Variants in C5 observed in about 807,000 individuals in gnomAD.
The protein encoded by C5 is complement C5.
In C5, 140 loss-of-function variants were observed where a neutral mutation model predicts 218.8. The ratio of observed to expected loss-of-function variants is 0.64; its 90% CI spans 0.56 to 0.74. The LOEUF is 0.74. Among genes scored for constraint, C5 ranks in the 30% least tolerant of loss-of-function variants. C5 has a pLI of 0.00. For synonymous variants in C5, 614 were observed against 682.3 expected, an observed-to-expected ratio of 0.90 and a Z score of 1.56; for missense variants, 1,700 against 1,969.6, an observed-to-expected ratio of 0.86 and a Z score of 2.59.
chr9:120,965,352 T>C (rs551027006), intron 33 of C5, among the ~76,000 whole-genome samples: 2 of 151,970 alleles, frequency 1.3e-5, no homozygotes, highest in African/African-American at 4.8e-5. Context: ...AAACCACTTC[T>C]CTACTAAAAA....
intron 20 of C5, among the ~76,000 whole-genome samples, chr9:121,003,477 AAG>A (rs2047189348): frequency 6.6e-6 from 1 of 152,210 alleles, no homozygotes; most frequent in African/African-American, 2.4e-5. Context: ...TTGTGAAAAA[AAG>A]AGTGACATTT....
chr9:121,016,850 G>C (rs534964843), intron 14 of C5, among the ~76,000 whole-genome samples: 1 of 152,082 alleles, frequency 6.6e-6, no homozygotes, highest in Admixed American at 6.6e-5. Flanking sequence ...TTCGTTCTCC[G>C]AGTATTTTTT....
chr9:120,958,567 CT>C (rs41313613), intron 38 of C5, among the ~76,000 whole-genome samples: 234 of 143,218 alleles, frequency 1.6e-3, no homozygotes, highest in Middle Eastern at 3.5e-3. Context: ...AGCTTTTTAG[CT>C]TTTTTTTTTT....
intron 25 of C5, among the ~76,000 whole-genome samples, chr9:120,986,238 T>C (rs1255075205): frequency 6.6e-6 from 1 of 151,924 alleles, no homozygotes; most frequent in Non-Finnish European, 1.5e-5. Context: ...ATATATACTA[T>C]ATAAAATATT....
Position 120,957,266 on chromosome 9 carries a change from T to A in C5, c.4762+19A>T, listed in dbSNP as rs1213709001. 32 of 1,549,722 alleles carry A rather than the reference T, an allele frequency of 2.1e-5. No homozygotes were observed. Among genetic ancestry groups the A allele is most frequent in the Non-Finnish European group, 2.6e-5 (29 of 1,122,166 alleles). Reference sequence around the variant, plus strand: ...AATAGTTGCTGAATGAAGGAACGAATGAACGAATGAATTCTCACCAGTTTT... The same window carrying A: ...AATAGTTGCTGAATGAAGGAACGAAAGAACGAATGAATTCTCACCAGTTTT... On this transcript the variant is annotated intron_variant, in intron 39 of 40. Coordinates refer to ENST00000223642, the MANE Select transcript of C5 (RefSeq NM_001735.3).
At chr9:121,038,976 C>G (rs2047553934) in intron 3 of C5, among the ~76,000 whole-genome samples, 1 of 152,140 alleles carries the variant, frequency 6.6e-6, no homozygotes, top group African/African-American at 2.4e-5. Flanking sequence ...GGAAGCTGCC[C>G]AAGTCAGAAA....
chr9:121,030,071 TA>T (rs1324943579), intron 7 of C5, among the ~76,000 whole-genome samples: 2 of 152,078 alleles, frequency 1.3e-5, no homozygotes, highest in Admixed American at 6.5e-5. Context: ...ATTAAATCAT[TA>T]AAAAAAGATA....
chr9:120,991,764 A>G lies in C5; in HGVS notation c.2852-484T>C, dbSNP rs148863282. ...AACAACAGAGTTTTAGCATACTGGTATCAGATAATTTTTCTACTGTGATCA... is the reference window on the plus strand; with the variant it reads ...AACAACAGAGTTTTAGCATACTGGTGTCAGATAATTTTTCTACTGTGATCA... On this transcript the variant is annotated intron_variant, in intron 22 of 40. Coordinates refer to ENST00000223642, the MANE Select transcript of C5 (RefSeq NM_001735.3). 3.1e-3 allele frequency among the ~76,000 whole-genome samples: 475 copies of G among 152,308 alleles called. 2 individuals carry two copies. Among genetic ancestry groups the G allele is most frequent in the Admixed American group, 4.8e-3 (74 of 15,294 alleles).
At chr9:121,074,381 G>A in the C5 span, among the ~76,000 whole-genome samples, 2 of 152,326 alleles carry the variant, frequency 1.3e-5, no homozygotes, top group Admixed American at 6.5e-5. Flanking sequence ...GTAGCAATCA[G>A]AGGAACATCC....
At chr9:121,055,324 T>C in the C5 span, among the ~76,000 whole-genome samples, 4 of 152,232 alleles carry the variant, frequency 2.6e-5, no homozygotes, top group African/African-American at 9.6e-5. Flanking sequence ...TTTCCTCTGT[T>C]AGCAAGTCCT....
chr9:120,986,905 C>T (rs1219910598), intron 25 of C5, among the ~76,000 whole-genome samples: 1 of 152,260 alleles, frequency 6.6e-6, no homozygotes, highest in South Asian at 2.1e-4. Context: ...CTGTATCTGG[C>T]CCTGTGTGTC....
intron 3 of C5, among the ~76,000 whole-genome samples, chr9:121,040,728 T>A (rs1687034448): frequency 6.6e-6 from 1 of 152,146 alleles, no homozygotes; most frequent in South Asian, 2.1e-4. Flanking sequence ...ATTTTACAAG[T>A]GAGGAAAGTG....
chr9:121,048,510 C>T (rs1255578903), intron 1 of C5, among the ~76,000 whole-genome samples: 1 of 152,156 alleles, frequency 6.6e-6, no homozygotes, highest in African/African-American at 2.4e-5. Flanking sequence ...TGAAACCATC[C>T]CCACCCCAAT....
At chr9:120,979,973 G>A in intron 28 of C5, 110 bp downstream of exon 28, 1 of 884,914 alleles carries the variant, frequency 1.1e-6, no homozygotes. Flanking sequence ...GTTCCTTGAG[G>A]ACAGGAATTG....
intron 23 of C5, 37 bp from the exon 24 acceptor site, chr9:120,989,817 T>C: frequency 1.3e-6 from 2 of 1,498,876 alleles, no homozygotes; most frequent in Non-Finnish European, 1.9e-6. Context: ...ACATTGCTTT[T>C]TATTAACTTC....
At chr9:121,069,308 T>C in the C5 span, among the ~76,000 whole-genome samples, 2 of 151,824 alleles carry the variant, frequency 1.3e-5, no homozygotes, top group African/African-American at 4.8e-5. Context: ...ACAACAAAAT[T>C]GTATAAAAAT....
rs778780304 is a variant in C5, at chr9:121,013,924, T to C, written c.2206A>G (p.Ser736Gly). The C allele has an allele frequency of 6.8e-6, 11 of 1,614,082 alleles. No individual in the cohort carries two copies. In the Admixed American group the frequency reaches 1.3e-4, roughly 20 times the overall value. ...KAFTECCVVA[S>G]QLRANISHKD... is the part of the protein sequence containing the mutation. ...TGAGAGATATTAGCACGGAGCTGGC[T>C]TGCGACGACACAACATTCAGTGAAA... is the stretch of plus-strand genomic sequence containing the variant. The change falls in exon 17 of 41, where the codon AGC becomes GGC. Residue 736 changes from serine to glycine, a missense_variant. By Grantham distance (56) the Ser-to-Gly change is moderately conservative (BLOSUM62 0). Transcript: ENST00000223642.
intron 31 of C5, among the ~76,000 whole-genome samples, chr9:120,971,321 C>T (rs2046911375): frequency 6.6e-6 from 1 of 151,602 alleles, no homozygotes; most frequent in Admixed American, 6.6e-5. Flanking sequence ...CATATGTACA[C>T]AGATATATGT....
chr9:121,057,512 G>A, the C5 span, among the ~76,000 whole-genome samples: 1 of 151,652 alleles, frequency 6.6e-6, no homozygotes, highest in Non-Finnish European at 1.5e-5. Flanking sequence ...TTCTCTGCTT[G>A]TTTTTAAAAA....
Sources: allele counts gnomAD v4.1 joint callset (sites outside exome capture counted in the v4.1 genomes callset), GRCh38; gene constraint gnomAD v4.1.1; transcripts MANE v1.5; gene names NCBI Gene and HGNC (gene_info 2026-07-23, HGNC 2026-07-21).